The following CNTNAP3 variants were observed in gnomAD, a reference collection of about 807,000 sequenced individuals.
CNTNAP3 encodes the protein contactin-associated protein-like 3.
Under a neutral mutation model 92.1 loss-of-function variants are expected in CNTNAP3, and 36 were observed. The ratio of observed to expected loss-of-function variants is 0.39; its 90% CI spans 0.30 to 0.52. The LOEUF (loss-of-function observed/expected upper bound fraction) is 0.52, where lower values mean the gene tolerates loss of function less well. Among genes scored for constraint, CNTNAP3 ranks in the 20% least tolerant of loss-of-function variants. The pLI, the probability that CNTNAP3 is intolerant of heterozygous loss-of-function variation, is 0.76. For synonymous variants in CNTNAP3, 232 were observed against 422.3 expected (o/e 0.55, Z 5.53); for missense variants, 534 against 1,069.6 (o/e 0.50, Z 6.98).
Position 39,149,927 on chromosome 9 carries a change from A to T in CNTNAP3, c.1528T>A (p.Phe510Ile), listed in dbSNP as rs369405880. 6.8e-6 allele frequency: 11 copies of T among 1,611,094 alleles called. No individual in the cohort carries two copies. Among genetic ancestry groups the T allele is most frequent in the Non-Finnish European group, 9.3e-6 (11 of 1,179,654 alleles). ...GSGCKSPLGG[F>I]QGCLRLITIG... ...GTGATGAGCCTTAGGCAGCCCTGAA[A>T]CCCTCCCAGGGGGCTTTTACATCCA... Residue 510 changes from phenylalanine to isoleucine, a missense_variant, in exon 10 of 24, where the codon TTT becomes ATT. Coordinates refer to ENST00000297668, the MANE Select transcript of CNTNAP3 (RefSeq NM_033655.5).
intron 13 of CNTNAP3, among the ~76,000 whole-genome samples, chr9:39,126,278 A>C (rs185329897): frequency 6.6e-6 from 1 of 152,164 alleles, no homozygotes; most frequent in African/African-American, 2.4e-5. Context: ...TCTCGAGAGA[A>C]ACAAAATTTT....
chr9:39,088,142 T>C (rs1326353964), intron 19 of CNTNAP3, among the ~76,000 whole-genome samples: 1 of 152,072 alleles, frequency 6.6e-6, no homozygotes, highest in Non-Finnish European at 1.5e-5. Flanking sequence ...ATTTGAGTCA[T>C]CATGTACTAT....
At chr9:39,083,011 C>T (rs1210818500) in intron 21 of CNTNAP3, among the ~76,000 whole-genome samples, 3 of 151,946 alleles carry the variant, frequency 2.0e-5, no homozygotes, top group Non-Finnish European at 4.4e-5. Context: ...CTAAATGAGA[C>T]AAACACCATA....
chr9:39,141,069 GA>G (rs1319518575), intron 11 of CNTNAP3, among the ~76,000 whole-genome samples: 1 of 152,160 alleles, frequency 6.6e-6, no homozygotes, highest in African/African-American at 2.4e-5. Flanking sequence ...TTTTAGGCAA[GA>G]AAGCATGCAA....
At chr9:39,076,240 G>T (rs1825758172) in intron 23 of CNTNAP3, among the ~76,000 whole-genome samples, 1 of 152,312 alleles carries the variant, frequency 6.6e-6, no homozygotes, top group Non-Finnish European at 1.5e-5. Context: ...ACCAAAAGCT[G>T]GGTACTAACC....
intron 13 of CNTNAP3, among the ~76,000 whole-genome samples, chr9:39,120,687 C>A (rs1321440493): frequency 6.6e-6 from 1 of 151,994 alleles, no homozygotes; most frequent in Non-Finnish European, 1.5e-5. Flanking sequence ...ATAACAACAA[C>A]AAAAAACCTT....
chr9:39,147,648 A>T (rs1821734891), intron 10 of CNTNAP3, among the ~76,000 whole-genome samples: 1 of 152,228 alleles, frequency 6.6e-6, no homozygotes, highest in Non-Finnish European at 1.5e-5. Flanking sequence ...TCACACATAC[A>T]TGCTTAGTTG....
chr9:39,120,143 A>C (rs1054202872), intron 13 of CNTNAP3, among the ~76,000 whole-genome samples: 3 of 152,188 alleles, frequency 2.0e-5, no homozygotes, highest in Non-Finnish European at 4.4e-5. Flanking sequence ...TATCGACACC[A>C]AGATCCATCA....
intron 19 of CNTNAP3, among the ~76,000 whole-genome samples, 158 bp from the exon 20 acceptor site, chr9:39,087,007 T>C (rs563885554): frequency 6.6e-6 from 1 of 152,100 alleles, no homozygotes; most frequent in African/African-American, 2.4e-5. Flanking sequence ...CCCGGAACAG[T>C]GATTACTTAA....
chr9:39,075,102 A>G (rs570244329), intron 23 of CNTNAP3, among the ~76,000 whole-genome samples: 225 of 152,350 alleles, frequency 1.5e-3, no homozygotes, highest in African/African-American at 5.3e-3. Context: ...AGTGTCTTAT[A>G]TATGTAATCA....
intron 16 of CNTNAP3, among the ~76,000 whole-genome samples, chr9:39,103,391 G>C (rs1239642601): frequency 6.6e-6 from 1 of 152,112 alleles, no homozygotes; most frequent in African/African-American, 2.4e-5. Context: ...AGACCAGCCT[G>C]GTCAACATGG....
At chr9:39,145,155 G>C (rs1821668960) in intron 10 of CNTNAP3, among the ~76,000 whole-genome samples, 2 of 138,268 alleles carry the variant, frequency 1.4e-5, no homozygotes, top group Admixed American at 1.4e-4. Flanking sequence ...CAGGGAGCAG[G>C]GTACACTATG....
chr9:39,121,587 G>A (rs1486430407), intron 13 of CNTNAP3, among the ~76,000 whole-genome samples: 2 of 152,192 alleles, frequency 1.3e-5, no homozygotes, highest in African/African-American at 4.8e-5. Context: ...AGCCAAAGCA[G>A]ATGGTGGAGT....
chr9:39,128,452 C>A lies in CNTNAP3; in HGVS notation c.2080+4480G>T, dbSNP rs541033739. Among the ~76,000 whole-genome samples the A allele has an allele frequency of 2.4e-3, 365 of 151,616 alleles. 2 individuals are homozygous for A. Among genetic ancestry groups the A allele is most frequent in the African/African-American group, 8.3e-3 (344 of 41,290 alleles). On this transcript the variant is annotated intron_variant, in intron 13 of 23. Coordinates refer to ENST00000297668, the MANE Select transcript of CNTNAP3 (RefSeq NM_033655.5). ...AAAGCTGATTCAACATATCAACAGA[C>A]AAAAGAAGAAATATAATATTTTAAT...
chr9:39,109,358 T>C, intron 14 of CNTNAP3, 71 bp from the exon 15 acceptor site: 3 of 1,584,826 alleles, frequency 1.9e-6, no homozygotes, highest in Non-Finnish European at 2.6e-6. Flanking sequence ...TCTGATCTCT[T>C]ATCTCAATTT....
intron 12 of CNTNAP3, among the ~76,000 whole-genome samples, chr9:39,137,704 CAG>C (rs1821477086): frequency 1.3e-5 from 2 of 151,754 alleles, no homozygotes. Flanking sequence ...TTAGTAGAGA[CAG>C]GGTTTCACCG....
chr9:39,089,374 A>G (rs1449107729), intron 18 of CNTNAP3, among the ~76,000 whole-genome samples: 10 of 152,308 alleles, frequency 6.6e-5, no homozygotes, highest in African/African-American at 1.4e-4. Flanking sequence ...ATCTTGTAGC[A>G]TGTATCAGTA....
At position 39,067,526 on chromosome 9, in the gene CNTNAP3, T is replaced by C. The variant is rs1825535454; in HGVS notation, c.*6364A>G. 6.6e-6 allele frequency among the ~76,000 whole-genome samples: 1 copy of C among 152,304 alleles called. No homozygotes were observed. Among genetic ancestry groups the C allele is most frequent in the African/African-American group, 2.4e-5 (1 of 41,486 alleles). ...CATTCTCCTGCCCCAGCCTCCCGAG[T>C]AGCTGGGACTTCAGGCGCCCAACAC... On this transcript the variant is annotated 3_prime_UTR_variant, in exon 24 of 24. Transcript: ENST00000297668.
At chr9:39,141,454 C>T (rs1821573833) in intron 11 of CNTNAP3, among the ~76,000 whole-genome samples, 1 of 151,912 alleles carries the variant, frequency 6.6e-6, no homozygotes, top group Admixed American at 6.6e-5. Flanking sequence ...AAGAAACTTC[C>T]CTAAGTATTT....
Sources: gnomAD v4.1 joint callset for allele counts (sites outside exome capture counted in the v4.1 genomes callset) on GRCh38, gnomAD v4.1.1 for gene constraint, MANE v1.5 for transcripts, NCBI Gene and HGNC (gene_info 2026-07-23, HGNC 2026-07-21) for gene names.